Variants in PLCH2 observed in about 807,000 individuals in gnomAD.
The protein encoded by PLCH2 is phospholipase C eta 2.
Under a neutral mutation model 134.7 loss-of-function variants are expected in PLCH2, and 98 were observed. That is an observed-to-expected ratio of 0.73 (90% CI 0.62 to 0.86). The LOEUF (loss-of-function observed/expected upper bound fraction) is 0.86. Among genes scored for constraint, PLCH2 ranks in the 40% least tolerant of loss-of-function variants. The pLI is 0.00. For synonymous variants in PLCH2, 974 were observed against 827.5 expected (o/e 1.18, Z -3.04); for missense variants, 1,994 against 1,986.6 (o/e 1.00, Z -0.07).
intron 1 of PLCH2, among the ~76,000 whole-genome samples, chr1:2,469,346 T>G (rs1641216822): frequency 6.6e-6 from 1 of 152,166 alleles, no homozygotes; most frequent in Non-Finnish European, 1.5e-5. Context: ...GGAGTGGCTC[T>G]GAGCCCACCC....
chr1:2,456,552 G>A (rs1267889054), intron 2 of PLCH2, among the ~76,000 whole-genome samples: 7 of 152,240 alleles, frequency 4.6e-5, no homozygotes, highest in Admixed American at 1.3e-4. Flanking sequence ...GGGGTGGCTC[G>A]TCCTGTGCAG....
upstream of PLCH2, among the ~76,000 whole-genome samples, chr1:2,474,301 G>A (rs576020453): frequency 3.2e-4 from 49 of 152,322 alleles, no homozygotes; most frequent in Admixed American, 1.5e-3. Context: ...CTGCAGCTGC[G>A]GTTCTGTGTC....
rs565534370 is a variant in PLCH2 at position 2,445,269 on chromosome 1, T to C, written c.115+14640T>C. ...CCCTTCCCTGAGGCTGAACGCCTGA[T>C]GGCCCTGCCCTCTGGGAGGTGAGAG... On this transcript the variant is annotated intron_variant, in intron 2 of 3. Coordinates refer to the PLCH2 transcript ENST00000609981. 1.1e-4 allele frequency among the ~76,000 whole-genome samples: 16 copies of C among 152,180 alleles called. No homozygotes were observed. In the South Asian group the frequency reaches 1.7e-3, roughly 16 times the overall value.
At position 2,428,994 on chromosome 1, in the gene PLCH2, C is replaced by T. The variant is rs901129236; in HGVS notation, c.-177-1344C>T. ...GCCCTCTCCCTGCCATCTTCTGGGG[C>T]CAGGGCTGCCAGAGGTGCCGGGCCA... On this transcript the variant is annotated intron_variant, in intron 1 of 3. Coordinates refer to the PLCH2 transcript ENST00000609981. 9.9e-5 allele frequency among the ~76,000 whole-genome samples: 15 copies of T among 152,144 alleles called. 1 individual carries two copies. Among genetic ancestry groups the T allele is most frequent in the Non-Finnish European group, 1.5e-4 (10 of 67,988 alleles).
At position 2,497,528 on chromosome 1, in the gene PLCH2, C is replaced by T. The variant is rs370277172; in HGVS notation, c.2143C>T (p.Arg715Trp). ...TGCCCTGAACTACCAGTCAGAGGGGCGGATGCTGCAGCTGAACCGAGCCAA... is the reference window on the plus strand; with the variant it reads ...TGCCCTGAACTACCAGTCAGAGGGGTGGATGCTGCAGCTGAACCGAGCCAA... ...MVALNYQSEG[R>W]MLQLNRAKFS... The change falls in exon 16 of 22, where the codon CGG (arginine) becomes TGG (tryptophan). Residue 715 changes from arginine to tryptophan, a missense_variant. Coordinates refer to ENST00000378486, the MANE Select transcript of PLCH2 (RefSeq NM_014638.4). The T allele has an allele frequency of 3.1e-5, 49 of 1,558,206 alleles. No homozygotes were observed. In the African/African-American group the frequency reaches 4.6e-4, roughly 15 times the overall value.
intron 21 of PLCH2, chr1:2,502,948 C>T: frequency 1.4e-6 from 1 of 717,196 alleles, no homozygotes; most frequent in Non-Finnish European, 2.6e-6. Context: ...TCCCGCACGC[C>T]CCTGGCATGG....
intron 4 of PLCH2, among the ~76,000 whole-genome samples, chr1:2,481,457 G>T (rs1469116844): frequency 1.3e-5 from 2 of 152,244 alleles, no homozygotes; most frequent in Admixed American, 6.5e-5. Context: ...GGGCCAGCAG[G>T]TCCCTCCACA....
intron 2 of PLCH2, among the ~76,000 whole-genome samples, chr1:2,430,953 C>T (rs1371865740): frequency 6.6e-6 from 1 of 152,186 alleles, no homozygotes; most frequent in African/African-American, 2.4e-5. Context: ...GAGAGGTGCC[C>T]CTGCAGCTCA....
chr1:2,501,738 A>G, intron 20 of PLCH2: 1 of 225,386 alleles, frequency 4.4e-6, no homozygotes, highest in Non-Finnish European at 8.6e-6. Context: ...CGGGCCTCTG[A>G]GCAGGTGCAG....
At chr1:2,465,083 CA>C (rs1640993267), upstream of PLCH2, among the ~76,000 whole-genome samples, 2 of 152,150 alleles carry the variant, frequency 1.3e-5, no homozygotes, top group South Asian at 4.1e-4. Flanking sequence ...AACTGAGGCA[CA>C]GGGGAAGGGG....
the PLCH2 span, among the ~76,000 whole-genome samples, chr1:2,420,356 C>G: frequency 6.6e-6 from 1 of 152,150 alleles, no homozygotes; most frequent in Non-Finnish European, 1.5e-5. Context: ...TGAAAGCTTC[C>G]ACCTCCTTCG....
At chr1:2,467,201 G>A (rs1056989183), upstream of PLCH2, among the ~76,000 whole-genome samples, 1 of 152,098 alleles carries the variant, frequency 6.6e-6, no homozygotes. Context: ...GAGGGAGGGA[G>A]GACAGGATGA....
intron 2 of PLCH2, among the ~76,000 whole-genome samples, chr1:2,451,061 C>T (rs908647151): frequency 3.3e-5 from 5 of 152,140 alleles, no homozygotes; most frequent in African/African-American, 4.8e-5. Flanking sequence ...GGCTGTGGCT[C>T]GGCCACCCAG....
intron 8 of PLCH2, 52 bp from the exon 9 acceptor site, chr1:2,489,155 C>T: frequency 1.3e-6 from 2 of 1,541,796 alleles, no homozygotes; most frequent in Non-Finnish European, 1.8e-6. Flanking sequence ...TGGGGCTTAC[C>T]CATCCTCTGA....
chr1:2,423,973 T>C (rs1339309760), upstream of PLCH2, among the ~76,000 whole-genome samples: 1 of 152,122 alleles, frequency 6.6e-6, no homozygotes, highest in Non-Finnish European at 1.5e-5. Flanking sequence ...TTTACAGGGG[T>C]GATTTCAGCC....
At chr1:2,475,624 C>T (rs1056800027), upstream of PLCH2, among the ~76,000 whole-genome samples, 4 of 152,204 alleles carry the variant, frequency 2.6e-5, no homozygotes, top group African/African-American at 4.8e-5. Context: ...GGCCCCTGTC[C>T]AGGTCAGATG....
intron 15 of PLCH2, among the ~76,000 whole-genome samples, 194 bp from the exon 16 acceptor site, chr1:2,497,308 G>A (rs2100721630): frequency 6.6e-6 from 1 of 152,368 alleles, no homozygotes; most frequent in Non-Finnish European, 1.5e-5. Flanking sequence ...CTCCGGGGAT[G>A]TCCCTCCAGG....
intron 18 of PLCH2, 21 bp from the exon 19 acceptor site, chr1:2,499,063 C>T: frequency 1.2e-6 from 2 of 1,600,218 alleles, no homozygotes; most frequent in Non-Finnish European, 1.7e-6. Context: ...TGGGACACTC[C>T]TCCTGGCGCT....
chr1:2,496,067 C>T (rs900970922), intron 13 of PLCH2, among the ~76,000 whole-genome samples: 12 of 152,126 alleles, frequency 7.9e-5, no homozygotes, highest in African/African-American at 2.2e-4. Context: ...CCCCCCGTGC[C>T]GCCCACTCCC....
Sources: gnomAD v4.1 joint callset for allele counts (sites outside exome capture counted in the v4.1 genomes callset) on GRCh38, gnomAD v4.1.1 for gene constraint, MANE v1.5 for transcripts, NCBI Gene and HGNC (gene_info 2026-07-23, HGNC 2026-07-21) for gene names.